Variants in UAP1L1 observed in about 807,000 individuals in gnomAD.
The protein encoded by UAP1L1 is UDP-N-acetylglucosamine pyrophosphorylase 1 like 1.
In UAP1L1, 45 loss-of-function variants were observed where a neutral mutation model predicts 45.3. The ratio of observed to expected loss-of-function variants is 0.99; its 90% CI spans 0.78 to 1.27. The LOEUF is 1.27. UAP1L1 is among the 50% of genes most tolerant of loss of function. The pLI is 0.00. For missense variants in UAP1L1, 667 were observed against 694.0 expected (o/e 0.96, Z 0.44); for synonymous variants, 323 against 303.9 (o/e 1.06, Z -0.65).
chr9:137,082,051 C>G lies in UAP1L1; in HGVS notation c.1418C>G (p.Ser473Cys). The G allele has an allele frequency of 6.2e-6, 10 of 1,614,002 alleles. No individual in the cohort carries two copies. The highest frequency in any genetic ancestry group is 8.5e-6 in the Non-Finnish European group (10 of 1,180,002). The change falls in exon 8 of 9, where the codon TCT (serine) becomes TGT (cysteine). Residue 473 changes from serine to cysteine, a missense_variant. Physicochemically the swap from Ser to Cys is moderately radical, Grantham distance 112 (BLOSUM62 -1). Coordinates refer to ENST00000409858, the MANE Select transcript of UAP1L1 (RefSeq NM_207309.3). This position sits in a 1 kb window ranked among gnomAD's most constrained non-coding sequence, Gnocchi z 5.7. ...PAICEISPLV[S>C]YSGEGLEVYL... ...ATCTGTGAGATATCGCCCTTGGTGTCTTACTCTGGAGAGGTGAGAGCTGCC... is the reference window on the plus strand; with the variant it reads ...ATCTGTGAGATATCGCCCTTGGTGTGTTACTCTGGAGAGGTGAGAGCTGCC...
At chr9:137,078,946 C>G (rs755667395) in intron 3 of UAP1L1, 30 bp from the exon 4 acceptor site, 17 of 1,559,726 alleles carry the variant, frequency 1.1e-5, no homozygotes, top group South Asian at 1.2e-5. Flanking sequence ...CGGGAGCCCT[C>G]GCGATGCCCA....
intron 5 of UAP1L1, 119 bp from the exon 6 acceptor site, chr9:137,079,883 T>C: frequency 8.2e-7 from 1 of 1,221,796 alleles, no homozygotes; most frequent in Non-Finnish European, 1.2e-6. Context: ...CTGTGCCCTG[T>C]AGTGTCCTTC....
intron 7 of UAP1L1, 108 bp downstream of exon 7, chr9:137,080,982 C>T: frequency 8.6e-7 from 1 of 1,167,096 alleles, no homozygotes; most frequent in South Asian, 1.6e-5. Context: ...GGGGAGGGGT[C>T]TTCCTTCCCG....
chr9:137,078,911 C>A, intron 3 of UAP1L1, 65 bp from the exon 4 acceptor site: 1 of 1,527,034 alleles, frequency 6.5e-7, no homozygotes, highest in Non-Finnish European at 8.8e-7. Flanking sequence ...TCCAGCACGT[C>A]CTAGACTCCC....
At position 137,079,249 on chromosome 9, in the gene UAP1L1, G is replaced by T. The variant is rs763455703; in HGVS notation, c.844-7G>T. The T allele has an allele frequency of 7.5e-6, 12 of 1,607,292 alleles. No individual in the cohort carries two copies. The South Asian group carries it at 1.1e-4, about 15-fold the overall frequency. ...CCCTCGGAACCCATCCCTGGTCTTG[G>T]CTGCAGGTGGTGGAAAAGGCATACC... On this transcript the variant is annotated splice_polypyrimidine_tract_variant and splice_region_variant and intron_variant, in intron 4 of 8. Coordinates refer to ENST00000409858, the MANE Select transcript of UAP1L1 (RefSeq NM_207309.3).
intron 7 of UAP1L1, among the ~76,000 whole-genome samples, chr9:137,081,632 C>T (rs1588573505): frequency 6.6e-6 from 1 of 152,154 alleles, no homozygotes; most frequent in East Asian, 1.9e-4. Context: ...CATTTATTCA[C>T]AGGCTTTGAA....
At position 137,084,060 on chromosome 9, in the gene UAP1L1, T is replaced by C. The variant is rs1832830632; in HGVS notation, c.*1331T>C. ...AAGCCCAGAAGATGATGTTTACTTC[T>C]CTCTCCCTGGCTCTGCCCTTCTTAC... On this transcript the variant is annotated 3_prime_UTR_variant, in exon 9 of 9. Coordinates refer to ENST00000409858, the MANE Select transcript of UAP1L1 (RefSeq NM_207309.3). 6.6e-6 allele frequency: 1 copy of C among 152,486 alleles called. No individual in the cohort carries two copies. The highest frequency in any genetic ancestry group is 1.5e-5 in the Non-Finnish European group (1 of 68,212). The allele number at this position is 152,486 out of a possible 1,614,324, so 9.4% of individuals were successfully genotyped here.
chr9:137,077,632 C>T lies in UAP1L1; in HGVS notation c.100C>T (p.Leu34=). 2.3e-6 allele frequency: 3 copies of T among 1,328,388 alleles called. No homozygotes were observed. The highest frequency in any genetic ancestry group is 2.9e-6 in the Non-Finnish European group (3 of 1,026,908). 82.3% of individuals were successfully genotyped at this position (1,328,388 alleles called of 1,614,324 possible). The change falls in exon 1 of 9, where the codon CTG becomes TTG. Residue 34 remains leucine (L), a synonymous_variant. Transcript: ENST00000409858. This position sits in a 1 kb window ranked among gnomAD's most constrained non-coding sequence, Gnocchi z 4.7. ...GCTGGCGCCGGAGCCACGAGCCGCG[C>T]TGCTGGCGGAGCTGGCGCTGCTGGA... is the stretch of plus-strand genomic sequence containing the variant. ...AELAPEPRAA[L]LAELALLEPE... is the part of the protein sequence containing the mutation.
At chr9:137,079,697 A>G (rs1377546266) in intron 5 of UAP1L1, 4 of 584,922 alleles carry the variant, frequency 6.8e-6, no homozygotes, top group Non-Finnish European at 9.0e-6. Context: ...CAAGTCTGCC[A>G]TCTCCTCCTT....
chr9:137,078,827 A>G, intron 3 of UAP1L1, 149 bp from the exon 4 acceptor site: 1 of 1,304,120 alleles, frequency 7.7e-7, no homozygotes, highest in Non-Finnish European at 1.0e-6. Context: ...GTCATTTGTC[A>G]CATGGTACAC....
At chr9:137,081,883 A>G in intron 7 of UAP1L1, 115 bp from the exon 8 acceptor site, 1 of 963,598 alleles carries the variant, frequency 1.0e-6, no homozygotes, top group Non-Finnish European at 1.7e-6. Flanking sequence ...TTGCTGAGAC[A>G]GGAGCTGTGG....
Position 137,079,096 on chromosome 9 carries a change from A to AC in UAP1L1, c.794dup (p.Val266CysfsTer48). On this transcript the variant is annotated frameshift_variant, in exon 4 of 9. Transcript: ENST00000409858. LOFTEE classifies it high-confidence loss of function. ...GACAACATCCTGGTGCGGCTGGCGG[A>AC]CCCTGTCTTCATCGGCTTCTGTGTG... The AC allele has an allele frequency of 6.2e-7, 1 of 1,611,640 alleles. No individual in the cohort carries two copies. Among genetic ancestry groups the AC allele is most frequent in the Non-Finnish European group, 8.5e-7 (1 of 1,179,574 alleles).
At chr9:137,081,490 C>T (rs1472558547) in intron 7 of UAP1L1, among the ~76,000 whole-genome samples, 2 of 151,980 alleles carry the variant, frequency 1.3e-5, no homozygotes, top group Non-Finnish European at 2.9e-5. Flanking sequence ...GGATTACAGG[C>T]GTGAGCCACC....
rs1223685069 is a variant in UAP1L1, at chr9:137,084,489, A to C, written c.*1760A>C. The C allele has an allele frequency of 6.6e-6, 1 of 152,178 alleles. No individual in the cohort carries two copies. The highest frequency in any genetic ancestry group is 1.5e-5 in the Non-Finnish European group (1 of 68,074). 9.4% of individuals were successfully genotyped at this position (152,178 alleles called of 1,614,324 possible). ...GCGCCGGGCCGGTTGCTGGCATCTTAATGTTCTGTAGGTGGAATATTTCCA... is the reference window on the plus strand; with the variant it reads ...GCGCCGGGCCGGTTGCTGGCATCTTCATGTTCTGTAGGTGGAATATTTCCA... On this transcript the variant is annotated 3_prime_UTR_variant, in exon 9 of 9. Coordinates refer to ENST00000409858, the MANE Select transcript of UAP1L1 (RefSeq NM_207309.3).
rs1415373500 is a variant in UAP1L1, at chr9:137,082,947, C to T, written c.*218C>T. 9.3e-6 allele frequency: 5 copies of T among 539,646 alleles called. No individual in the cohort carries two copies. The highest frequency in any genetic ancestry group is 3.1e-5 in the Admixed American group (1 of 32,462). 33.4% of individuals were successfully genotyped at this position (539,646 alleles called of 1,614,324 possible). Reference sequence around the variant, plus strand: ...TCCACGAGGGCAGGGCCTCTCCTGTCGCCTCTGGACACAAGTGGCGACAGC... The same window carrying T: ...TCCACGAGGGCAGGGCCTCTCCTGTTGCCTCTGGACACAAGTGGCGACAGC... On this transcript the variant is annotated 3_prime_UTR_variant, in exon 9 of 9. Transcript: ENST00000409858. This position sits in a 1 kb window ranked among gnomAD's most constrained non-coding sequence, Gnocchi z 5.7.
chr9:137,080,081 C>T lies in UAP1L1; in HGVS notation c.1117C>T (p.Pro373Ser), dbSNP rs1122444. The change falls in exon 6 of 9, where the codon CCG (proline) becomes TCG (serine). Residue 373 changes from proline to serine, a missense_variant. Transcript: ENST00000409858. ...YVDEEGNLVK[P>S]LKPNGIKMEK... is the part of the protein sequence containing the mutation. ...GGATGAGGAGGGGAATCTGGTAAAGCCGCTAAAACCGAACGGGATAAAGAT... is the reference window on the plus strand; with the variant it reads ...GGATGAGGAGGGGAATCTGGTAAAGTCGCTAAAACCGAACGGGATAAAGAT... 1.2e-3 allele frequency: 1,876 copies of T among 1,614,096 alleles called. 1 individual carries two copies. Among genetic ancestry groups the T allele is most frequent in the Non-Finnish European group, 1.5e-3 (1,767 of 1,180,016 alleles).
Position 137,078,301 on chromosome 9 carries a change from G to GC in UAP1L1, c.494+54dup, listed in dbSNP as rs778815942. The stretch of plus-strand genomic sequence containing the variant: ...TCGGCCCGGAGGTACCCTTCCCCAC[G>GC]CCCCCCCACATCCCCGCTCCAGACG... On this transcript the variant is annotated intron_variant, in intron 2 of 8. Coordinates refer to ENST00000409858, the MANE Select transcript of UAP1L1 (RefSeq NM_207309.3). 823 of 1,508,512 alleles carry GC rather than the reference G, an allele frequency of 5.5e-4. 4 individuals are homozygous for GC. The Middle Eastern group carries it at 0.013, about 23-fold the overall frequency. The allele number at this position is 1,508,512 out of a possible 1,614,324, so 93.4% of individuals were successfully genotyped here. A position where few individuals can be genotyped will look rare whatever the true frequency, so the allele number is the denominator to read the frequency against.
In UAP1L1 at chr9:137,084,102, C is replaced by T. The variant is rs1832831597; in HGVS notation, c.*1373C>T. ...CCTTCTTACTGCAAACCATGCTGTGCCTTAGGGCCCTTCTCATAGCTGTTC... is the reference window on the plus strand; with the variant it reads ...CCTTCTTACTGCAAACCATGCTGTGTCTTAGGGCCCTTCTCATAGCTGTTC... On this transcript the variant is annotated 3_prime_UTR_variant, in exon 9 of 9. Coordinates refer to ENST00000409858, the MANE Select transcript of UAP1L1 (RefSeq NM_207309.3). 6.6e-6 allele frequency: 1 copy of T among 152,318 alleles called. No individual in the cohort carries two copies. The highest frequency in any genetic ancestry group is 2.4e-5 in the African/African-American group (1 of 41,466). 9.4% of individuals were successfully genotyped at this position (152,318 alleles called of 1,614,324 possible). A position where few individuals can be genotyped will look rare whatever the true frequency, so the allele number is the denominator to read the frequency against.
rs1350358104 is a variant in UAP1L1, at chr9:137,078,046, C to A, written c.290-4C>A. 1 of 1,548,368 alleles carries A rather than the reference C, an allele frequency of 6.5e-7. No individual in the cohort carries two copies. Among genetic ancestry groups the A allele is most frequent in the Non-Finnish European group, 8.7e-7 (1 of 1,146,878 alleles). The stretch of plus-strand genomic sequence containing the variant: ...GCGTCCCTTCACGGCGCCCGTACCC[C>A]CAGGTTTCCGTCAGATTTCTCTGAA... On this transcript the variant is annotated splice_region_variant and splice_polypyrimidine_tract_variant and intron_variant, in intron 1 of 8. Transcript: ENST00000409858.
Sources: gnomAD v4.1 joint callset for allele counts (sites outside exome capture counted in the v4.1 genomes callset) on GRCh38, gnomAD v4.1.1 for gene constraint, Gnocchi (gnomAD v3.1) non-coding constraint, MANE v1.5 for transcripts, NCBI Gene and HGNC (gene_info 2026-07-23, HGNC 2026-07-21) for gene names.